Variants in ARHGEF38 observed in about 807,000 individuals in gnomAD.
The protein encoded by ARHGEF38 is Rho guanine nucleotide exchange factor (GEF) 38.
In ARHGEF38, 79 loss-of-function variants were observed where a neutral mutation model predicts 79.9. The observed-to-expected ratio is 0.99, with a 90% confidence interval of 0.82 to 1.19. The LOEUF is 1.19. ARHGEF38 is among the 50% of genes most tolerant of loss of function. The pLI, the probability that ARHGEF38 is intolerant of heterozygous loss-of-function variation, is 0.00. For missense variants in ARHGEF38, 962 were observed against 907.2 expected (o/e 1.06, Z -0.78); for synonymous variants, 366 against 328.3 (o/e 1.11, Z -1.24).
chr4:105,625,411 G>A (rs1419510453), intron 3 of ARHGEF38, among the ~76,000 whole-genome samples: 1 of 152,190 alleles, frequency 6.6e-6, no homozygotes, highest in Non-Finnish European at 1.5e-5. Context: ...TAAGACAGAT[G>A]TTGATTTCTC....
chr4:105,597,164 G>C (rs1055568144), intron 2 of ARHGEF38, among the ~76,000 whole-genome samples: 1 of 151,884 alleles, frequency 6.6e-6, no homozygotes, highest in African/African-American at 2.4e-5. Context: ...CAAGATAAAA[G>C]GACCAAGGCA....
chr4:105,649,893 G>A (rs994569393), intron 7 of ARHGEF38, among the ~76,000 whole-genome samples: 1 of 152,198 alleles, frequency 6.6e-6, no homozygotes, highest in Non-Finnish European at 1.5e-5. Flanking sequence ...CCAAACCTGG[G>A]TTTGAACCCT....
rs546647541 is a variant in ARHGEF38 at position 105,581,127 on chromosome 4, C to T, written c.197-8121C>T. Among the ~76,000 whole-genome samples, 12 of 152,238 alleles carry T rather than the reference C, an allele frequency of 7.9e-5. No homozygotes were observed. In the South Asian group the frequency reaches 1.9e-3, roughly 24 times the overall value. On this transcript the variant is annotated intron_variant, in intron 1 of 13. Coordinates refer to ENST00000420470, the MANE Select transcript of ARHGEF38 (RefSeq NM_001242729.2). ...AGGCCAAGAACAAGTCCCGGTGCCC[C>T]GTAGCCCCATACAGGATTCCCAGCT...
At chr4:105,652,321 G>C (rs546979601) in intron 7 of ARHGEF38, among the ~76,000 whole-genome samples, 1 of 152,182 alleles carries the variant, frequency 6.6e-6, no homozygotes, top group African/African-American at 2.4e-5. Flanking sequence ...TTTAACAAAT[G>C]TTCGCTATTA....
At chr4:105,560,230 CT>C (rs952660175) in intron 1 of ARHGEF38, among the ~76,000 whole-genome samples, 6 of 152,198 alleles carry the variant, frequency 3.9e-5, no homozygotes, top group Non-Finnish European at 5.9e-5. Flanking sequence ...TTAATAAATA[CT>C]TTTTTTGTTT....
intron 5 of ARHGEF38, among the ~76,000 whole-genome samples, chr4:105,644,784 T>C (rs1178451413): frequency 6.6e-6 from 1 of 152,228 alleles, no homozygotes; most frequent in Non-Finnish European, 1.5e-5. Flanking sequence ...TGTTAAGATT[T>C]TTAAATGGTT....
intron 4 of ARHGEF38, chr4:105,631,694 T>C: frequency 5.2e-6 from 5 of 963,654 alleles, no homozygotes; most frequent in Non-Finnish European, 6.2e-6. Context: ...TTAGCCCCTT[T>C]CTTCTTAATA....
intron 1 of ARHGEF38, among the ~76,000 whole-genome samples, chr4:105,578,721 A>T (rs767230419): frequency 4.6e-5 from 7 of 152,170 alleles, no homozygotes; most frequent in Admixed American, 2.0e-4. Flanking sequence ...AAGAATAACC[A>T]TTCCTGTTCG....
At chr4:105,660,735 C>A (rs566467200) in intron 10 of ARHGEF38, among the ~76,000 whole-genome samples, 1 of 152,162 alleles carries the variant, frequency 6.6e-6, no homozygotes, top group African/African-American at 2.4e-5. Flanking sequence ...CCACTGCGCC[C>A]AGCCTGAGCT....
chr4:105,597,001 T>C (rs573818019), intron 2 of ARHGEF38, among the ~76,000 whole-genome samples: 18 of 152,350 alleles, frequency 1.2e-4, no homozygotes, highest in South Asian at 2.1e-4. Context: ...CCCTCAGTTC[T>C]ATCTGAATAC....
chr4:105,567,153 A>C (rs1198751922), intron 1 of ARHGEF38, among the ~76,000 whole-genome samples: 2 of 152,220 alleles, frequency 1.3e-5, no homozygotes, highest in African/African-American at 4.8e-5. Context: ...TTCACTTAAC[A>C]TAATGGCCTC....
Position 105,659,382 on chromosome 4 carries a change from C to T in ARHGEF38, c.1545+17C>T. 6.6e-7 allele frequency: 1 copy of T among 1,523,670 alleles called. No individual in the cohort carries two copies. The highest frequency in any genetic ancestry group is 8.8e-7 in the Non-Finnish European group (1 of 1,140,378). 94.4% of individuals were successfully genotyped at this position (1,523,670 alleles called of 1,614,324 possible). Reference sequence around the variant, plus strand: ...CTTGTGCCGGTAAGCACAGCACCAACACCTAGCTAGCTACCTTGGCCTACT... The same window carrying T: ...CTTGTGCCGGTAAGCACAGCACCAATACCTAGCTAGCTACCTTGGCCTACT... On this transcript the variant is annotated intron_variant, in intron 10 of 13. Transcript: ENST00000420470.
chr4:105,563,474 C>G (rs1308999192), intron 1 of ARHGEF38: 1 of 152,200 alleles, frequency 6.6e-6, no homozygotes, highest in Admixed American at 6.5e-5. Context: ...ATTTCATGCT[C>G]TTAGCAACTT....
At chr4:105,659,514 C>A in intron 10 of ARHGEF38, 149 bp downstream of exon 10, 1 of 839,274 alleles carries the variant, frequency 1.2e-6, no homozygotes. Flanking sequence ...CAGATAGTCT[C>A]CTGTTCCTTA....
At chr4:105,667,064 T>C in intron 11 of ARHGEF38, 65 bp from the exon 12 acceptor site, 1 of 1,333,068 alleles carries the variant, frequency 7.5e-7, no homozygotes, top group South Asian at 1.5e-5. Flanking sequence ...AAAAAATATT[T>C]ACCAACTCCA....
At position 105,666,321 on chromosome 4, in the gene ARHGEF38, G is replaced by A; in HGVS notation, c.1689+1G>A. 1 of 1,522,446 alleles carries A rather than the reference G, an allele frequency of 6.6e-7. No individual in the cohort carries two copies. The highest frequency in any genetic ancestry group is 8.8e-7 in the Non-Finnish European group (1 of 1,142,040). The allele number at this position is 1,522,446 out of a possible 1,614,324, so 94.3% of individuals were successfully genotyped here. On this transcript the variant is annotated splice_donor_variant, in intron 11 of 13. Transcript: ENST00000420470. LOFTEE classifies it high-confidence loss of function. ...AAAGAAGAAACCTGTGCAGATTCTG[G>A]TGAGTTTGGCAGCATTCATGACAAT...
At chr4:105,594,294 G>A (rs76339539) in intron 2 of ARHGEF38, among the ~76,000 whole-genome samples, 15 of 152,224 alleles carry the variant, frequency 9.9e-5, no homozygotes, top group South Asian at 2.1e-4. Context: ...TTCAATGTTC[G>A]TTAGTTCTTT....
intron 9 of ARHGEF38, among the ~76,000 whole-genome samples, 158 bp from the exon 10 acceptor site, chr4:105,658,896 A>G (rs1730445660): frequency 6.6e-6 from 1 of 152,198 alleles, no homozygotes; most frequent in Admixed American, 6.5e-5. Context: ...AGGTTTAGCC[A>G]GACACAAAAT....
chr4:105,660,810 C>A (rs956413003), intron 10 of ARHGEF38, among the ~76,000 whole-genome samples: 17 of 152,114 alleles, frequency 1.1e-4, no homozygotes, highest in African/African-American at 4.1e-4. Context: ...TATAACCATT[C>A]CCTTTTTTTA....
Sources: allele counts gnomAD v4.1 joint callset (sites outside exome capture counted in the v4.1 genomes callset), GRCh38; gene constraint gnomAD v4.1.1; transcripts MANE v1.5; gene names NCBI Gene and HGNC (gene_info 2026-07-23, HGNC 2026-07-21).